Variants in EPB41L3 observed in about 807,000 individuals in gnomAD.
EPB41L3 encodes erythrocyte membrane protein band 4.1 like 3, also known as band 4.1-like protein 3.
A neutral mutation model predicts 127.1 loss-of-function variants in EPB41L3; 57 were observed. That is an observed-to-expected ratio of 0.45 (90% confidence interval 0.36 to 0.56). EPB41L3 has a LOEUF of 0.56. Among genes scored for constraint, EPB41L3 ranks in the 20% least tolerant of loss-of-function variants. EPB41L3 has a pLI of 0.00. For missense variants in EPB41L3, 1,273 were observed against 1,372.2 expected (o/e 0.93, Z 1.14); for synonymous variants, 572 against 549.5 (o/e 1.04, Z -0.57).
rs146748301 is a variant in EPB41L3, at chr18:5,556,983, C to T, written c.-306+55357G>A. On this transcript the variant is annotated intron_variant, in intron 3 of 21. Transcript: ENST00000545076. ...CTCTCTGCCAGCACAGCTGGGGGGC[C>T]CCGGGGGTCTCCCTCCTTCCTCTCA... 2.2e-3 allele frequency among the ~76,000 whole-genome samples: 327 copies of T among 146,636 alleles called. 2 individuals carry two copies. The highest frequency in any genetic ancestry group is 7.5e-3 in the African/African-American group (309 of 41,130).
intron 1 of EPB41L3, among the ~76,000 whole-genome samples, chr18:5,499,546 G>A (rs1315757474): frequency 2.6e-5 from 4 of 152,062 alleles, no homozygotes; most frequent in East Asian, 1.9e-4. Flanking sequence ...GGTGGATCAC[G>A]AGGTCAGGAG....
At chr18:5,489,265 G>A in intron 1 of EPB41L3, 71 bp from the exon 2 acceptor site, 3 of 1,515,178 alleles carry the variant, frequency 2.0e-6, no homozygotes, top group Non-Finnish European at 2.6e-6. Flanking sequence ...AAACTAGGAT[G>A]CTCACCGTGA....
chr18:5,502,714 G>C (rs1289089759), intron 1 of EPB41L3, among the ~76,000 whole-genome samples: 1 of 152,156 alleles, frequency 6.6e-6, no homozygotes, highest in Non-Finnish European at 1.5e-5. Flanking sequence ...TTTTCCCAGG[G>C]AGCTCTGTCT....
At chr18:5,462,626 A>G (rs2084223637) in intron 3 of EPB41L3, among the ~76,000 whole-genome samples, 2 of 152,120 alleles carry the variant, frequency 1.3e-5, no homozygotes, top group African/African-American at 2.4e-5. Flanking sequence ...CGGTGTGGGG[A>G]AGAACCCGAG....
At chr18:5,630,389 A>G (rs748094088), upstream of EPB41L3, 1 of 518,642 alleles carries the variant, frequency 1.9e-6, no homozygotes, top group Non-Finnish European at 3.8e-6. Flanking sequence ...GAGTCACCGA[A>G]GCCTTCCTTT....
intron 1 of EPB41L3, among the ~76,000 whole-genome samples, chr18:5,504,411 G>A (rs1183706579): frequency 6.6e-6 from 1 of 152,040 alleles, no homozygotes; most frequent in African/African-American, 2.4e-5. Flanking sequence ...TATCTTCACT[G>A]TATTCTTTTC....
At chr18:5,594,951 A>G (rs1195644661) in intron 3 of EPB41L3, among the ~76,000 whole-genome samples, 1 of 152,250 alleles carries the variant, frequency 6.6e-6, no homozygotes, top group Non-Finnish European at 1.5e-5. Context: ...TTAAAAGACT[A>G]TAAGGCAATG....
intron 10 of EPB41L3, 64 bp downstream of exon 10, chr18:5,424,198 A>G (rs1328625659): frequency 8.9e-7 from 1 of 1,126,960 alleles, no homozygotes; most frequent in African/African-American, 1.6e-5. Flanking sequence ...TTTATTGACA[A>G]TCTTTTTCAG....
chr18:5,582,644 C>T (rs1187588955), intron 3 of EPB41L3, among the ~76,000 whole-genome samples: 2 of 152,186 alleles, frequency 1.3e-5, no homozygotes, highest in Non-Finnish European at 2.9e-5. Context: ...CTAGAAAGGA[C>T]TCACGCAATG....
intron 3 of EPB41L3, among the ~76,000 whole-genome samples, chr18:5,599,032 G>A (rs867536614): frequency 3.3e-5 from 5 of 152,102 alleles, no homozygotes; most frequent in South Asian, 4.1e-4. Flanking sequence ...TGCAGAATAC[G>A]ATGCAGAAGA....
Position 5,542,344 on chromosome 18 carries a change from A to C in EPB41L3, c.-12+1569T>G, listed in dbSNP as rs528191765. ...CCTTGAGACTTTAAAAATCAAGGTAAATTTCAAAAACAATGTTTTTAAGCA... is the reference window on the plus strand; with the variant it reads ...CCTTGAGACTTTAAAAATCAAGGTACATTTCAAAAACAATGTTTTTAAGCA... On this transcript the variant is annotated intron_variant, in intron 1 of 22. Coordinates refer to ENST00000341928, the MANE Select transcript of EPB41L3 (RefSeq NM_012307.5). Among the ~76,000 whole-genome samples the C allele has an allele frequency of 1.6e-4, 25 of 152,252 alleles. No individual in the cohort carries two copies. The South Asian group carries it at 4.8e-3, about 29-fold the overall frequency.
intron 1 of EPB41L3, among the ~76,000 whole-genome samples, chr18:5,516,101 A>G (rs535270312): frequency 9.8e-5 from 15 of 152,316 alleles, no homozygotes; most frequent in Non-Finnish European, 2.1e-4. Context: ...ACAAAAGCCC[A>G]GGTGCCGCAG....
At position 5,416,240 on chromosome 18, in the gene EPB41L3, GCT is replaced by G; in HGVS notation, c.1643_1644del (p.Glu548AlafsTer11). The G allele has an allele frequency of 6.2e-7, 1 of 1,614,148 alleles. No homozygotes were observed. Among genetic ancestry groups the G allele is most frequent in the Non-Finnish European group, 8.5e-7 (1 of 1,180,036 alleles). ...TCCAAGGCGGGCTCTCCAGGCAGGTGCTCAGCTCTGGACGGCTCATAACCTGG... is the reference window on the plus strand; with the variant it reads ...TCCAAGGCGGGCTCTCCAGGCAGGTGCAGCTCTGGACGGCTCATAACCTGG... Reference protein sequence around the residue: ...KLPGYEPSRAEHLPGEPALDS... With the variant: ...KLPGYEPSRAXHLPGEPALDS... On this transcript the variant is annotated frameshift_variant, in exon 13 of 23. Transcript: ENST00000341928. LOFTEE classifies it high-confidence loss of function.
At chr18:5,411,770 G>T (rs1357188423) in intron 13 of EPB41L3, among the ~76,000 whole-genome samples, 1 of 152,126 alleles carries the variant, frequency 6.6e-6, no homozygotes, top group Non-Finnish European at 1.5e-5. Flanking sequence ...GGGCAACTGG[G>T]ACAGTGTTGT....
intron 1 of EPB41L3, among the ~76,000 whole-genome samples, chr18:5,533,776 T>C (rs1373747418): frequency 6.6e-6 from 1 of 152,250 alleles, no homozygotes; most frequent in Non-Finnish European, 1.5e-5. Context: ...ATTATCCCTA[T>C]TTAATAGATA....
chr18:5,505,489 C>A (rs2092077094), intron 1 of EPB41L3, among the ~76,000 whole-genome samples: 1 of 151,740 alleles, frequency 6.6e-6, no homozygotes, highest in African/African-American at 2.4e-5. Flanking sequence ...CTCCTCTGCC[C>A]TCCACACCTT....
intron 1 of EPB41L3, among the ~76,000 whole-genome samples, chr18:5,489,791 C>T (rs545870659): frequency 1.3e-5 from 2 of 152,324 alleles, no homozygotes; most frequent in South Asian, 4.1e-4. Flanking sequence ...GCCATAGCTG[C>T]AGGGGCACAG....
chr18:5,496,665 T>G (rs149765986), intron 1 of EPB41L3, among the ~76,000 whole-genome samples: 1 of 152,334 alleles, frequency 6.6e-6, no homozygotes, highest in African/African-American at 2.4e-5. Context: ...TATCTAAGAT[T>G]TCGTTTTGCT....
intron 3 of EPB41L3, among the ~76,000 whole-genome samples, chr18:5,581,537 A>G (rs1382517762): frequency 6.6e-6 from 1 of 152,134 alleles, no homozygotes; most frequent in Non-Finnish European, 1.5e-5. Context: ...ACAAACTCAA[A>G]CCTCTCTAAA....
Sources: allele counts gnomAD v4.1 joint callset (sites outside exome capture counted in the v4.1 genomes callset), GRCh38; gene constraint gnomAD v4.1.1; transcripts MANE v1.5; gene names NCBI Gene and HGNC (gene_info 2026-07-23, HGNC 2026-07-21).